CNTN3: variants seen among roughly 807,000 people sequenced by gnomAD.
CNTN3 encodes the protein contactin 3.
A neutral mutation model predicts 119.1 loss-of-function variants in CNTN3; 60 were observed. The observed-to-expected ratio is 0.50, with a 90% CI of 0.41 to 0.62. The LOEUF is 0.62. Ranked by LOEUF, CNTN3 falls within the 20% of genes least tolerant of loss-of-function variation. The probability of loss-of-function intolerance (pLI) is 0.00; values close to 1 mark genes in which losing one functional copy is unlikely to be tolerated. For missense variants in CNTN3, 1,101 were observed against 1,242.4 expected (o/e 0.89, Z 1.71); for synonymous variants, 450 against 438.7 (o/e 1.03, Z -0.32).
chr3:74,571,826 T>C (rs1257455219), intron 1 of CNTN3, among the ~76,000 whole-genome samples: 2 of 152,186 alleles, frequency 1.3e-5, no homozygotes, highest in African/African-American at 4.8e-5. Flanking sequence ...TTATTAAAAA[T>C]GTTTTATCAC....
intron 1 of CNTN3, among the ~76,000 whole-genome samples, chr3:74,567,697 G>A (rs578225903): frequency 2.6e-5 from 4 of 152,142 alleles, no homozygotes; most frequent in Non-Finnish European, 4.4e-5. Context: ...GCTGACAGTC[G>A]ATGATGCTTC....
chr3:74,612,842 G>A (rs1705105523), intron 1 of CNTN3, among the ~76,000 whole-genome samples: 1 of 152,254 alleles, frequency 6.6e-6, no homozygotes. Flanking sequence ...GGCTGAACCC[G>A]ATCAGATTTC....
In CNTN3 at chr3:74,361,913, A is replaced by G; in HGVS notation, c.1341T>C (p.Asp447=). The change falls in exon 11 of 23, where the codon GAT becomes GAC. Residue 447 remains aspartate (D), a synonymous_variant. Transcript: ENST00000263665. ...PRALSSWKKG[D]VSVQEHERIS... is the part of the protein sequence containing the mutation. ...ACCTTTCATGCTCCTGCACGCTCACATCCCCCTTCTTCCAGGAAGAGAGTG... is the reference window on the plus strand; with the variant it reads ...ACCTTTCATGCTCCTGCACGCTCACGTCCCCCTTCTTCCAGGAAGAGAGTG... 2 of 1,613,414 alleles carry G rather than the reference A, an allele frequency of 1.2e-6. No individual in the cohort carries two copies. The highest frequency in any genetic ancestry group is 1.7e-6 in the Non-Finnish European group (2 of 1,179,598).
intron 4 of CNTN3, among the ~76,000 whole-genome samples, chr3:74,434,414 T>C (rs555177734): frequency 2.6e-5 from 4 of 152,204 alleles, no homozygotes; most frequent in Non-Finnish European, 5.9e-5. Flanking sequence ...TTTTCAAACA[T>C]GCACAGTTCA....
At position 74,585,022 on chromosome 3, in the gene CNTN3, C is replaced by T. The variant is rs1013918201; in HGVS notation, c.-81+29369G>A. On this transcript the variant is annotated intron_variant, in intron 1 of 22. Coordinates refer to ENST00000263665, the MANE Select transcript of CNTN3 (RefSeq NM_020872.3). ...GTCCAGAAAGAAGAAAGAAGTCTTTCCCTTTTTGTTCCTTTATAATCTAAC... is the reference window on the plus strand; with the variant it reads ...GTCCAGAAAGAAGAAAGAAGTCTTTTCCTTTTTGTTCCTTTATAATCTAAC... Among the ~76,000 whole-genome samples the T allele has an allele frequency of 2.6e-5, 4 of 152,156 alleles. No individual in the cohort carries two copies. The South Asian group carries it at 8.3e-4, about 32-fold the overall frequency.
At chr3:74,542,823 TA>T (rs58534034) in intron 1 of CNTN3, among the ~76,000 whole-genome samples, 152,204 of 152,266 alleles carry the variant, frequency 1, 76,071 homozygotes, top group Non-Finnish European at 1. Flanking sequence ...CTTTATAATG[TA>T]AAAAAATTAC....
At chr3:74,537,750 C>A (rs2107143432) in intron 1 of CNTN3, among the ~76,000 whole-genome samples, 1 of 152,156 alleles carries the variant, frequency 6.6e-6, no homozygotes, top group Admixed American at 6.5e-5. Flanking sequence ...TCAACAAAAG[C>A]CTCAGCAAGA....
At chr3:74,531,728 T>C (rs1450330267) in intron 1 of CNTN3, among the ~76,000 whole-genome samples, 1 of 151,948 alleles carries the variant, frequency 6.6e-6, no homozygotes, top group Admixed American at 6.6e-5. Context: ...CCAGTATGAC[T>C]CACATGTGGA....
intron 20 of CNTN3, 116 bp downstream of exon 20, chr3:74,285,189 T>C (rs1332679205): frequency 4.4e-6 from 5 of 1,143,306 alleles, no homozygotes; most frequent in Non-Finnish European, 6.2e-6. Flanking sequence ...GGAGTTAGGT[T>C]TATATAATCT....
chr3:74,417,055 CA>C lies in CNTN3; in HGVS notation c.454+7789del, dbSNP rs779957826. 1.6e-4 allele frequency among the ~76,000 whole-genome samples: 25 copies of C among 151,562 alleles called. 1 individual carries two copies. The highest frequency in any genetic ancestry group is 5.6e-4 in the African/African-American group (23 of 41,264). On this transcript the variant is annotated intron_variant, in intron 5 of 22. Coordinates refer to ENST00000263665, the MANE Select transcript of CNTN3 (RefSeq NM_020872.3). Reference sequence around the variant, plus strand: ...AAATCTACCATGACATGGCTTTGGACAAATCACCTAACTGCTCTGAGCCTTG... The same window carrying C: ...AAATCTACCATGACATGGCTTTGGACAATCACCTAACTGCTCTGAGCCTTG...
chr3:74,594,874 T>C (rs1346164356), intron 1 of CNTN3, among the ~76,000 whole-genome samples: 4 of 151,982 alleles, frequency 2.6e-5, no homozygotes, highest in African/African-American at 4.8e-5. Flanking sequence ...ATCGCCACAC[T>C]GACTTCCACA....
At chr3:74,456,674 T>G (rs548100217) in intron 4 of CNTN3, among the ~76,000 whole-genome samples, 1 of 152,200 alleles carries the variant, frequency 6.6e-6, no homozygotes, top group African/African-American at 2.4e-5. Flanking sequence ...TTTGGATTGT[T>G]GAACATTTCT....
chr3:74,474,671 T>C (rs1374083944), intron 4 of CNTN3, among the ~76,000 whole-genome samples: 1 of 152,054 alleles, frequency 6.6e-6, no homozygotes. Flanking sequence ...GAGTCCCCTT[T>C]AGAAAGAGCA....
intron 4 of CNTN3, among the ~76,000 whole-genome samples, chr3:74,474,621 G>T (rs1260293866): frequency 2.0e-5 from 3 of 152,062 alleles, no homozygotes; most frequent in Non-Finnish European, 4.4e-5. Context: ...AGCCTCCCAA[G>T]TAGCTGGGAC....
At chr3:74,345,602 G>A (rs988028523) in intron 11 of CNTN3, among the ~76,000 whole-genome samples, 3 of 152,158 alleles carry the variant, frequency 2.0e-5, no homozygotes, top group African/African-American at 4.8e-5. Context: ...GGTAAAAGAA[G>A]TAACCTTTAA....
At chr3:74,483,705 T>G (rs978785618) in intron 4 of CNTN3, among the ~76,000 whole-genome samples, 7 of 152,070 alleles carry the variant, frequency 4.6e-5, no homozygotes, top group African/African-American at 1.4e-4. Flanking sequence ...ATGCTGAACC[T>G]CATGATGCTT....
intron 1 of CNTN3, among the ~76,000 whole-genome samples, chr3:74,536,525 C>G (rs1703767661): frequency 6.6e-6 from 1 of 152,072 alleles, no homozygotes; most frequent in African/African-American, 2.4e-5. Context: ...TAAAAAGCAA[C>G]AGTAGAGATC....
In CNTN3 at chr3:74,506,213, G is replaced by A. The variant is rs77584831; in HGVS notation, c.56-6428C>T. Among the ~76,000 whole-genome samples, 11 of 152,112 alleles carry A rather than the reference G, an allele frequency of 7.2e-5. No homozygotes were observed. The East Asian group carries it at 1.2e-3, about 16-fold the overall frequency. ...GGCACTTTGCTTTCATAAATTAATCGCAGAGTTTGATTTAAAGGTATGATC... is the reference window on the plus strand; with the variant it reads ...GGCACTTTGCTTTCATAAATTAATCACAGAGTTTGATTTAAAGGTATGATC... On this transcript the variant is annotated intron_variant, in intron 2 of 22. Coordinates refer to ENST00000263665, the MANE Select transcript of CNTN3 (RefSeq NM_020872.3).
intron 5 of CNTN3, among the ~76,000 whole-genome samples, chr3:74,390,404 A>T (rs536352599): frequency 7.2e-5 from 10 of 138,670 alleles, no homozygotes; most frequent in African/African-American, 2.4e-4. Flanking sequence ...AGGCTATTTG[A>T]TGACAGAATA....
Sources: allele counts gnomAD v4.1 joint callset (sites outside exome capture counted in the v4.1 genomes callset), GRCh38; gene constraint gnomAD v4.1.1; transcripts MANE v1.5; gene names NCBI Gene and HGNC (gene_info 2026-07-23, HGNC 2026-07-21).